The following BCR variants were observed in gnomAD, a reference collection of about 807,000 sequenced individuals.
BCR encodes the protein BCR activator of RhoGEF and GTPase.
A neutral mutation model predicts 138.6 loss-of-function variants in BCR; 58 were observed. That is an observed-to-expected ratio of 0.42 (90% CI 0.34 to 0.52). The LOEUF (loss-of-function observed/expected upper bound fraction) is 0.52, where lower values mean the gene tolerates loss of function less well. Ranked by LOEUF, BCR falls within the 20% of genes least tolerant of loss-of-function variation. The pLI is 0.06. For missense variants in BCR, 1,599 were observed against 1,727.2 expected, an observed-to-expected ratio of 0.93 and a Z score of 1.32; for synonymous variants, 786 against 730.1, an observed-to-expected ratio of 1.08 and a Z score of -1.23.
In BCR at chr22:23,253,886, T is replaced by C. The variant is rs113693210; in HGVS notation, c.1367T>C (p.Ile456Thr). The change falls in exon 2 of 23, where the codon ATT becomes ACT. Residue 456 changes from isoleucine (I) to threonine (T), a missense_variant. Around this residue, in one of 4 missense-constraint regions of BCR, gnomAD observed 590 missense variants for 762.4 expected, o/e 0.77. Transcript: ENST00000305877. ...QRRHQDGLPY[I>T]DDSPSSSPHL... is the part of the protein sequence containing the mutation. ...CGGCACCAAGATGGGCTGCCCTACA[T>C]TGATGACTCGCCCTCCTCATCGCCC... is the stretch of plus-strand genomic sequence containing the variant. 1.4e-4 allele frequency: 232 copies of C among 1,612,986 alleles called. 2 individuals are homozygous for C. Among genetic ancestry groups the C allele is most frequent in the South Asian group, 1.0e-3 (91 of 91,038 alleles).
At chr22:23,205,783 T>C (rs1454481783) in intron 1 of BCR, among the ~76,000 whole-genome samples, 1 of 152,176 alleles carries the variant, frequency 6.6e-6, no homozygotes, top group Non-Finnish European at 1.5e-5. Context: ...CATAACCATT[T>C]GGAATGTGAG....
At chr22:23,259,993 A>G (rs2073339012) in intron 2 of BCR, among the ~76,000 whole-genome samples, 1 of 152,200 alleles carries the variant, frequency 6.6e-6, no homozygotes, top group Admixed American at 6.5e-5. Context: ...GTCTCAAAAA[A>G]AACAAAAAAG....
chr22:23,269,784 A>G (rs2073488638), intron 5 of BCR, among the ~76,000 whole-genome samples: 2 of 152,216 alleles, frequency 1.3e-5, no homozygotes, highest in Admixed American at 6.5e-5. Context: ...TCGAATTTCA[A>G]GTGACCTTGA....
chr22:23,253,832 GCGCT>G lies in BCR; in HGVS notation c.1314_1317del (p.Cys438TrpfsTer60). The G allele has an allele frequency of 6.2e-7, 1 of 1,613,068 alleles. No individual in the cohort carries two copies. Among genetic ancestry groups the G allele is most frequent in the Non-Finnish European group, 8.5e-7 (1 of 1,179,930 alleles). ...TTCGGAACACCACCTGGATACGGCT[GCGCT>G]GCAGACCGGGCAGAGGAGCAGCGCC... On this transcript the variant is annotated frameshift_variant, in exon 2 of 23. Coordinates refer to ENST00000305877, the MANE Select transcript of BCR (RefSeq NM_004327.4). LOFTEE classifies it high-confidence loss of function.
chr22:23,305,841 C>T (rs2073949634), intron 16 of BCR, among the ~76,000 whole-genome samples: 1 of 152,200 alleles, frequency 6.6e-6, no homozygotes, highest in Non-Finnish European at 1.5e-5. Flanking sequence ...CAAGACCTTG[C>T]AACCCAGGGG....
intron 1 of BCR, among the ~76,000 whole-genome samples, chr22:23,202,721 TTGTGTGTGTGTGTGTG>T (rs58577462): frequency 7.0e-6 from 1 of 142,754 alleles, no homozygotes; most frequent in African/African-American, 2.7e-5. Context: ...ATTCAATTGT[TTGTGTGTGTGTGTGTG>T]TGTGTGTGTG....
In BCR at chr22:23,292,552, A is replaced by T; in HGVS notation, c.2794A>T (p.Thr932Ser). 2 of 1,613,260 alleles carry T rather than the reference A, an allele frequency of 1.2e-6. No homozygotes were observed. The highest frequency in any genetic ancestry group is 1.7e-6 in the Non-Finnish European group (2 of 1,179,414). ...ACTTCTCCCCACAGATCTGTACTGC[A>T]CCCTGGAGGTGGATTCCTTTGGGTA... Reference protein sequence around the residue: ...GFKQSSNLYCTLEVDSFGYFV... With the variant: ...GFKQSSNLYCSLEVDSFGYFV... Residue 932 changes from threonine to serine, a missense_variant, in exon 15 of 23, where the codon ACC (threonine) becomes TCC (serine). By Grantham distance (58) the Thr-to-Ser change is moderately conservative. This residue lies in a region of BCR where 590 missense variants were observed against 762.4 expected (regional missense o/e 0.77). Coordinates refer to ENST00000305877, the MANE Select transcript of BCR (RefSeq NM_004327.4).
At chr22:23,243,735 C>T (rs527775872) in intron 1 of BCR, among the ~76,000 whole-genome samples, 3 of 151,714 alleles carry the variant, frequency 2.0e-5, no homozygotes, top group South Asian at 2.1e-4. Context: ...TGCAACCTCC[C>T]GGGTTCAAAT....
chr22:23,263,514 A>G (rs1049271603), intron 4 of BCR: 2 of 1,576,172 alleles, frequency 1.3e-6, no homozygotes, highest in East Asian at 2.2e-5. Context: ...TGCTTTGTAC[A>G]TATCCCAGGC....
chr22:23,250,624 A>AG (rs2073213985), intron 1 of BCR, among the ~76,000 whole-genome samples: 1 of 152,194 alleles, frequency 6.6e-6, no homozygotes, highest in Non-Finnish European at 1.5e-5. Flanking sequence ...GTGGGAGACT[A>AG]GGGTGAGGAA....
intron 1 of BCR, among the ~76,000 whole-genome samples, chr22:23,222,001 G>A (rs920537266): frequency 6.6e-6 from 1 of 152,104 alleles, no homozygotes; most frequent in African/African-American, 2.4e-5. Context: ...TGAGGCAGGA[G>A]AATCACTTGA....
In BCR at chr22:23,292,525, C is replaced by T; in HGVS notation, c.2783-16C>T. The stretch of plus-strand genomic sequence containing the variant: ...AAAAGACCTGTGACCTTCTCCATGT[C>T]CACTTCTCCCCACAGATCTGTACTG... On this transcript the variant is annotated splice_polypyrimidine_tract_variant and intron_variant, in intron 14 of 22. Transcript: ENST00000305877. The T allele has an allele frequency of 5.0e-6, 8 of 1,595,984 alleles. No homozygotes were observed. Among genetic ancestry groups the T allele is most frequent in the Non-Finnish European group, 6.9e-6 (8 of 1,164,246 alleles).
chr22:23,267,499 A>G (rs543793691), intron 4 of BCR, among the ~76,000 whole-genome samples: 3 of 152,322 alleles, frequency 2.0e-5, no homozygotes, highest in Non-Finnish European at 2.9e-5. Context: ...ATATAAATGC[A>G]AATGCACATG....
At chr22:23,237,429 A>G (rs937030369) in intron 1 of BCR, among the ~76,000 whole-genome samples, 5 of 152,220 alleles carry the variant, frequency 3.3e-5, no homozygotes, top group Admixed American at 1.3e-4. Flanking sequence ...TCACACCCAC[A>G]ATGACAGCTG....
chr22:23,249,332 T>G (rs1235089106), intron 1 of BCR, among the ~76,000 whole-genome samples: 3 of 150,250 alleles, frequency 2.0e-5, no homozygotes, highest in African/African-American at 7.4e-5. Flanking sequence ...CTCCGGAGGC[T>G]GAGGCAGGAG....
At chr22:23,271,670 C>T (rs1161200190) in intron 6 of BCR, 78 bp downstream of exon 6, 9 of 1,422,860 alleles carry the variant, frequency 6.3e-6, no homozygotes, top group Non-Finnish European at 7.9e-6. Flanking sequence ...TGTGGAAAAG[C>T]AGACACAGTG....
At chr22:23,231,581 G>A (rs2072959375) in intron 1 of BCR, among the ~76,000 whole-genome samples, 2 of 149,724 alleles carry the variant, frequency 1.3e-5, no homozygotes, top group Admixed American at 6.6e-5. Context: ...GCTGGCTGGA[G>A]CCATGGTGTT....
chr22:23,239,173 G>A (rs533456437), intron 1 of BCR, among the ~76,000 whole-genome samples: 4 of 152,300 alleles, frequency 2.6e-5, no homozygotes, highest in Admixed American at 2.6e-4. Context: ...GCCCTGTGTG[G>A]GAAGGAGAGT....
intron 1 of BCR, among the ~76,000 whole-genome samples, chr22:23,193,629 T>G (rs1278299583): frequency 1.3e-5 from 2 of 152,234 alleles, no homozygotes; most frequent in Non-Finnish European, 2.9e-5. Context: ...TGAGTGGAGT[T>G]CTTACATTTT....
Sources: allele counts gnomAD v4.1 joint callset (sites outside exome capture counted in the v4.1 genomes callset), GRCh38; gene constraint gnomAD v4.1.1; regional missense constraint gnomAD v4.1.1; transcripts MANE v1.5; gene names NCBI Gene and HGNC (gene_info 2026-07-23, HGNC 2026-07-21).